GNPTAB: variants seen among roughly 807,000 people sequenced by gnomAD.
GNPTAB encodes N-acetylglucosamine-1-phosphotransferase subunits alpha/beta.
In GNPTAB, 92 loss-of-function variants were observed where a neutral mutation model predicts 136.6. The observed-to-expected ratio is 0.67, with a 90% CI of 0.57 to 0.80. GNPTAB has a LOEUF of 0.80. Ranked by LOEUF, GNPTAB falls within the 30% of genes least tolerant of loss-of-function variation. The pLI, the probability that GNPTAB is intolerant of heterozygous loss-of-function variation, is 0.00. For missense variants in GNPTAB, 1,343 were observed against 1,501.8 expected (o/e 0.89, Z 1.75); for synonymous variants, 512 against 535.1 (o/e 0.96, Z 0.60).
intron 19 of GNPTAB, 56 bp downstream of exon 19, chr12:101,753,316 C>T: frequency 8.0e-7 from 1 of 1,253,158 alleles, no homozygotes; most frequent in Admixed American, 1.7e-5. Context: ...CATATAGATA[C>T]ATATGCATGT....
intron 1 of GNPTAB, among the ~76,000 whole-genome samples, chr12:101,797,040 G>C (rs1431506905): frequency 6.6e-6 from 1 of 152,118 alleles, no homozygotes; most frequent in Non-Finnish European, 1.5e-5. Context: ...AATGGGTCTT[G>C]AAGAATGAGT....
chr12:101,777,872 C>T (rs759277532), intron 7 of GNPTAB, among the ~76,000 whole-genome samples: 1 of 152,144 alleles, frequency 6.6e-6, no homozygotes, highest in Non-Finnish European at 1.5e-5. Flanking sequence ...AAGTCCTAGT[C>T]CCTGAAGTTG....
intron 7 of GNPTAB, among the ~76,000 whole-genome samples, chr12:101,777,120 C>T (rs1412215675): frequency 2.0e-5 from 3 of 152,252 alleles, no homozygotes; most frequent in African/African-American, 7.2e-5. Flanking sequence ...TCATTCTCCT[C>T]TTCCTCCTCC....
At chr12:101,813,677 G>A (rs1258621240) in intron 1 of GNPTAB, among the ~76,000 whole-genome samples, 1 of 152,046 alleles carries the variant, frequency 6.6e-6, no homozygotes, top group African/African-American at 2.4e-5. Context: ...CAAACTTTTT[G>A]GTCTCAGGAC....
At chr12:101,796,815 AAC>A in intron 1 of GNPTAB, 53 bp from the exon 2 acceptor site, 1 of 1,152,134 alleles carries the variant, frequency 8.7e-7, no homozygotes, top group East Asian at 2.3e-5. Context: ...AAGAGTATAT[AAC>A]TTTCATTTCA....
intron 15 of GNPTAB, among the ~76,000 whole-genome samples, chr12:101,760,781 CTT>C (rs879535763): frequency 1.8e-4 from 25 of 137,176 alleles, no homozygotes; most frequent in Admixed American, 4.4e-4. Context: ...ATTTTCTTTT[CTT>C]TTTTTTTTTT....
chr12:101,801,895 T>A (rs145357737), intron 1 of GNPTAB, among the ~76,000 whole-genome samples: 4,448 of 148,462 alleles, frequency 0.03, 98 homozygotes, highest in African/African-American at 0.058. Flanking sequence ...AAAGAAAAAA[T>A]TTTTTTTAAT....
chr12:101,800,735 G>A (rs1216093970), intron 1 of GNPTAB, among the ~76,000 whole-genome samples: 3 of 151,662 alleles, frequency 2.0e-5, no homozygotes, highest in Admixed American at 6.6e-5. Context: ...CTGAGATCGC[G>A]CCACTGCACT....
chr12:101,760,872 C>T (rs1952981580), intron 15 of GNPTAB, among the ~76,000 whole-genome samples: 1 of 151,780 alleles, frequency 6.6e-6, no homozygotes, highest in African/African-American at 2.4e-5. Context: ...CTCCACCTCC[C>T]AGGGTGAAGC....
At chr12:101,824,432 A>ATT (rs1555276244) in intron 1 of GNPTAB, among the ~76,000 whole-genome samples, 26 of 50,820 alleles carry the variant, frequency 5.1e-4, no homozygotes, top group Non-Finnish European at 6.3e-4. Context: ...ATATATATAT[A>ATT]TTTTCTTTTT....
chr12:101,827,122 CTTTT>C (rs1871128526), intron 1 of GNPTAB, among the ~76,000 whole-genome samples: 2 of 151,676 alleles, frequency 1.3e-5, no homozygotes, highest in African/African-American at 4.8e-5. Flanking sequence ...ACCTAGCTAA[CTTTT>C]TTTATTTATG....
At position 101,766,078 on chromosome 12, in the gene GNPTAB, G is replaced by A. The variant is rs760311424; in HGVS notation, c.1612+13C>T. The A allele has an allele frequency of 2.6e-5, 42 of 1,609,038 alleles. No homozygotes were observed. Among genetic ancestry groups the A allele is most frequent in the Admixed American group, 8.3e-5 (5 of 59,964 alleles). On this transcript the variant is annotated intron_variant, in intron 12 of 20. Coordinates refer to ENST00000299314, the MANE Select transcript of GNPTAB (RefSeq NM_024312.5). ...TTATGCTCCCATTCTTATTTGTTTG[G>A]CAGTAAACATACCTTGCCCACAGTC... is the stretch of plus-strand genomic sequence containing the variant.
rs551905649 is a variant in GNPTAB, at chr12:101,764,898, T to A, written c.2019A>T (p.Lys673Asn). Residue 673 changes from lysine to asparagine, a missense_variant, in exon 13 of 21, where the codon AAA becomes AAT. Physicochemically the swap from Lys to Asn is moderately conservative, Grantham distance 94 (BLOSUM62 0). Transcript: ENST00000299314. ...CATGTCTCTTAAACTTCGGGAAGCG[T>A]TTTTCTTTGGGAATATCCTCAAAAA... ...EILFEDIPKE[K>N]RFPKFKRHDV... 1 of 1,614,072 alleles carries A rather than the reference T, an allele frequency of 6.2e-7. No homozygotes were observed. The highest frequency in any genetic ancestry group is 8.5e-7 in the Non-Finnish European group (1 of 1,179,988).
intron 1 of GNPTAB, among the ~76,000 whole-genome samples, chr12:101,829,780 T>C (rs1355697580): frequency 6.6e-6 from 1 of 152,126 alleles, no homozygotes; most frequent in Non-Finnish European, 1.5e-5. Context: ...AAAAAGTACA[T>C]GCTCAGAATT....
chr12:101,773,656 A>T (rs1337831293), intron 7 of GNPTAB: 3 of 152,524 alleles, frequency 2.0e-5, no homozygotes, highest in African/African-American at 7.2e-5. Context: ...ACTATACAAT[A>T]ATTCGGAAAG....
intron 1 of GNPTAB, among the ~76,000 whole-genome samples, chr12:101,804,748 T>C (rs1002394286): frequency 5.3e-5 from 8 of 152,216 alleles, no homozygotes; most frequent in Non-Finnish European, 1.0e-4. Flanking sequence ...GTTTGTTTAG[T>C]GCTGCAGCTA....
At chr12:101,813,723 G>C (rs549461666) in intron 1 of GNPTAB, among the ~76,000 whole-genome samples, 2 of 152,206 alleles carry the variant, frequency 1.3e-5, no homozygotes, top group South Asian at 2.1e-4. Context: ...GGACTGGCTG[G>C]GTATGGTAGC....
intron 4 of GNPTAB, among the ~76,000 whole-genome samples, 190 bp downstream of exon 4, chr12:101,788,358 C>T (rs1240767735): frequency 1.3e-5 from 2 of 152,168 alleles, no homozygotes; most frequent in African/African-American, 4.8e-5. Context: ...AGCAAAATAA[C>T]CAGAATTCTC....
chr12:101,775,990 C>A (rs541582564), intron 7 of GNPTAB, among the ~76,000 whole-genome samples: 27 of 152,254 alleles, frequency 1.8e-4, no homozygotes, highest in Non-Finnish European at 5.9e-5. Context: ...TTGAAAACTT[C>A]CCCCATGTCT....
Sources: allele counts gnomAD v4.1 joint callset (sites outside exome capture counted in the v4.1 genomes callset), GRCh38; gene constraint gnomAD v4.1.1; transcripts MANE v1.5; gene names NCBI Gene and HGNC (gene_info 2026-07-23, HGNC 2026-07-21).